MBNL2: variants seen among roughly 807,000 people sequenced by gnomAD.
The protein encoded by MBNL2 is muscleblind like splicing regulator 2.
In MBNL2, 17 loss-of-function variants were observed where a neutral mutation model predicts 41.9. The observed-to-expected ratio is 0.41, with a 90% CI of 0.28 to 0.61. MBNL2 has a LOEUF of 0.61. Among genes scored for constraint, MBNL2 ranks in the 20% least tolerant of loss-of-function variants. The pLI is 0.35. For synonymous variants in MBNL2, 195 were observed against 182.9 expected (o/e 1.07, Z -0.53); for missense variants, 336 against 505.6 (o/e 0.66, Z 3.22).
the MBNL2 span, among the ~76,000 whole-genome samples, chr13:97,145,362 G>A: frequency 6.6e-6 from 1 of 152,006 alleles, no homozygotes; most frequent in Admixed American, 6.6e-5. Context: ...AGAAAGAATT[G>A]GTAATGAAAG....
chr13:97,189,173 C>T, the MBNL2 span, among the ~76,000 whole-genome samples: 13 of 152,232 alleles, frequency 8.5e-5, no homozygotes, highest in South Asian at 6.2e-4. Context: ...GGATTATAGG[C>T]GTTAGCCACT....
At chr13:97,144,802 G>A in the MBNL2 span, among the ~76,000 whole-genome samples, 2 of 152,158 alleles carry the variant, frequency 1.3e-5, no homozygotes, top group East Asian at 1.9e-4. Flanking sequence ...AGGAAATAAG[G>A]AAGATCTCAA....
chr13:97,320,042 T>G (rs2153039044), intron 2 of MBNL2, among the ~76,000 whole-genome samples: 1 of 152,282 alleles, frequency 6.6e-6, no homozygotes, highest in Admixed American at 6.5e-5. Context: ...TGGAGGAGAC[T>G]GTAGTATTTT....
intron 1 of MBNL2, among the ~76,000 whole-genome samples, chr13:97,234,960 C>G (rs971781948): frequency 9.9e-5 from 15 of 152,142 alleles, no homozygotes; most frequent in African/African-American, 3.1e-4. Context: ...CAGTCAACAG[C>G]AGGCTGCACT....
intron 1 of MBNL2, among the ~76,000 whole-genome samples, chr13:97,226,305 C>T (rs923252298): frequency 2.6e-5 from 4 of 152,162 alleles, no homozygotes; most frequent in African/African-American, 7.2e-5. Flanking sequence ...ACAGCAGAAA[C>T]GCTTGGTAAT....
intron 1 of MBNL2, among the ~76,000 whole-genome samples, chr13:97,258,926 A>C (rs757276096): frequency 1.3e-5 from 2 of 152,216 alleles, no homozygotes; most frequent in Non-Finnish European, 2.9e-5. Flanking sequence ...CCCAGGCCAG[A>C]GGAAGGCCTG....
intron 2 of MBNL2, among the ~76,000 whole-genome samples, chr13:97,300,787 T>A (rs1222978373): frequency 6.6e-6 from 1 of 152,242 alleles, no homozygotes; most frequent in African/African-American, 2.4e-5. Flanking sequence ...TGTAAAGAAG[T>A]CAACCAAATT....
chr13:97,234,861 G>A (rs1249172436), intron 1 of MBNL2, among the ~76,000 whole-genome samples: 1 of 152,190 alleles, frequency 6.6e-6, no homozygotes, highest in Non-Finnish European at 1.5e-5. Context: ...CAGTCCTCCC[G>A]AGTTTCTCTG....
chr13:97,302,566 T>C (rs978248654), intron 2 of MBNL2, among the ~76,000 whole-genome samples: 4 of 152,240 alleles, frequency 2.6e-5, no homozygotes, highest in East Asian at 1.9e-4. Context: ...CCCTATGATA[T>C]TGGGCCCATT....
intron 5 of MBNL2, among the ~76,000 whole-genome samples, chr13:97,353,007 T>C (rs1254676494): frequency 6.6e-6 from 1 of 152,234 alleles, no homozygotes; most frequent in African/African-American, 2.4e-5. Flanking sequence ...ATTTCCCTGC[T>C]GCATTTCTTC....
At chr13:97,339,568 C>G (rs2061253434) in intron 3 of MBNL2, among the ~76,000 whole-genome samples, 1 of 152,118 alleles carries the variant, frequency 6.6e-6, no homozygotes, top group Non-Finnish European at 1.5e-5. Context: ...GCTAATTCTC[C>G]CAAGCTGTAG....
rs1491330833 is a variant in MBNL2, at chr13:97,346,270, TGG to T, written c.541-533_541-532del. On this transcript the variant is annotated intron_variant, in intron 4 of 8. Transcript: ENST00000679496. The surrounding 1 kb of genome is among the most constrained non-coding windows in gnomAD (Gnocchi z 4.2). Reference sequence around the variant, plus strand: ...ATGGATGGATGGATGGATGGATGGATGGATAGATGGATGGGTGGATGGATAGA... The same window carrying T: ...ATGGATGGATGGATGGATGGATGGATATAGATGGATGGGTGGATGGATAGA... Among the ~76,000 whole-genome samples the T allele has an allele frequency of 6.5e-4, 99 of 151,856 alleles. No homozygotes were observed. The highest frequency in any genetic ancestry group is 3.4e-3 in the Middle Eastern group (1 of 294).
intron 3 of MBNL2, among the ~76,000 whole-genome samples, chr13:97,335,321 T>C (rs546421876): frequency 1.3e-5 from 2 of 151,770 alleles, no homozygotes; most frequent in East Asian, 3.9e-4. Flanking sequence ...GTGAGTGAAA[T>C]GTGTTTGTTT....
At chr13:97,203,449 A>G in the MBNL2 span, among the ~76,000 whole-genome samples, 2 of 152,162 alleles carry the variant, frequency 1.3e-5, no homozygotes, top group African/African-American at 4.8e-5. Context: ...TTTAACCTGT[A>G]TTCCTACCAC....
At chr13:97,283,973 A>C (rs2053932305) in intron 2 of MBNL2, among the ~76,000 whole-genome samples, 1 of 152,198 alleles carries the variant, frequency 6.6e-6, no homozygotes, top group Admixed American at 6.5e-5. Context: ...CACCATAGAG[A>C]AAGCCCTTTA....
At chr13:97,261,155 C>T (rs911643684) in intron 1 of MBNL2, among the ~76,000 whole-genome samples, 3 of 151,974 alleles carry the variant, frequency 2.0e-5, no homozygotes, top group African/African-American at 7.3e-5. Flanking sequence ...AAGGAAGCCC[C>T]CGGCTCTTCC....
At chr13:97,376,561 C>T in intron 8 of MBNL2, among the ~76,000 whole-genome samples, 1 of 152,260 alleles carries the variant, frequency 6.6e-6, no homozygotes, top group South Asian at 2.1e-4. Flanking sequence ...CCTATCATTG[C>T]TCCCCTTGCT....
At chr13:97,148,673 C>A in the MBNL2 span, among the ~76,000 whole-genome samples, 5 of 152,200 alleles carry the variant, frequency 3.3e-5, no homozygotes, top group South Asian at 1.0e-3. Flanking sequence ...GACTAAGAGG[C>A]AGCATCATAG....
chr13:97,297,824 G>A (rs2057216508), intron 2 of MBNL2, among the ~76,000 whole-genome samples: 1 of 152,170 alleles, frequency 6.6e-6, no homozygotes, highest in Admixed American at 6.5e-5. Context: ...TTTAACTGTG[G>A]CTCTGCCTGT....
Sources: allele counts gnomAD v4.1 joint callset (sites outside exome capture counted in the v4.1 genomes callset), GRCh38; gene constraint gnomAD v4.1.1; non-coding constraint Gnocchi (gnomAD v3.1); transcripts MANE v1.5; gene names NCBI Gene and HGNC (gene_info 2026-07-23, HGNC 2026-07-21).